Variants in PRKN observed in about 807,000 individuals in gnomAD.
The protein encoded by PRKN is E3 ubiquitin-protein ligase parkin.
In PRKN, 56 loss-of-function variants were observed where a neutral mutation model predicts 59.5. The ratio of observed to expected loss-of-function variants is 0.94; its 90% CI spans 0.76 to 1.18. The LOEUF is 1.18. PRKN is among the 50% of genes most tolerant of loss of function. The pLI is 0.00. For missense variants in PRKN, 657 were observed against 596.4 expected (o/e 1.10, Z -1.06); for synonymous variants, 250 against 222.1 (o/e 1.13, Z -1.12).
At chr6:162,558,082 T>C (rs1372125469) in intron 1 of PRKN, among the ~76,000 whole-genome samples, 1 of 152,180 alleles carries the variant, frequency 6.6e-6, no homozygotes, top group Non-Finnish European at 1.5e-5. Context: ...ATATCTCTCC[T>C]TTTAAATATA....
chr6:162,725,102 T>C (rs2023042), intron 1 of PRKN, among the ~76,000 whole-genome samples: 37,640 of 152,122 alleles, frequency 0.25, 5,444 homozygotes, highest in African/African-American at 0.38. Flanking sequence ...CCCAGTCTTT[T>C]GGATGTGAGT....
At chr6:161,677,591 A>T (rs1358671838) in intron 7 of PRKN, among the ~76,000 whole-genome samples, 1 of 152,182 alleles carries the variant, frequency 6.6e-6, no homozygotes, top group Non-Finnish European at 1.5e-5. Flanking sequence ...GCTGGTGCTC[A>T]CCTCGGCAGC....
At chr6:161,900,527 CTT>C (rs1256421909) in intron 6 of PRKN, among the ~76,000 whole-genome samples, 3 of 96,224 alleles carry the variant, frequency 3.1e-5, no homozygotes, top group Non-Finnish European at 6.0e-5. Flanking sequence ...TACAACATAT[CTT>C]TTATATATAT....
At chr6:162,266,302 G>GTGTA (rs1554293022) in intron 2 of PRKN, among the ~76,000 whole-genome samples, 8 of 87,518 alleles carry the variant, frequency 9.1e-5, no homozygotes, top group Admixed American at 7.5e-4. Context: ...TATATATTGT[G>GTGTA]TGTGTGTGTG....
intron 6 of PRKN, among the ~76,000 whole-genome samples, chr6:161,898,188 C>G (rs576332817): frequency 6.6e-6 from 1 of 150,644 alleles, no homozygotes; most frequent in Non-Finnish European, 1.5e-5. Flanking sequence ...CCAGTTAAAA[C>G]GAATCTGTAA....
At chr6:162,028,486 T>C (rs919626995) in intron 5 of PRKN, among the ~76,000 whole-genome samples, 2 of 152,202 alleles carry the variant, frequency 1.3e-5, no homozygotes, top group Admixed American at 1.3e-4. Flanking sequence ...GGCCGGCTGC[T>C]GTGTGCTCCT....
chr6:162,462,727 T>C (rs891058122), intron 1 of PRKN, among the ~76,000 whole-genome samples: 2 of 152,188 alleles, frequency 1.3e-5, no homozygotes, highest in South Asian at 2.1e-4. Context: ...ATCCACCAGA[T>C]AATTTTAAAT....
chr6:162,117,951 C>G (rs892949346), intron 4 of PRKN, among the ~76,000 whole-genome samples: 16 of 151,880 alleles, frequency 1.1e-4, no homozygotes, highest in Non-Finnish European at 2.1e-4. Context: ...ACAAAATTAG[C>G]CAGGCATGAT....
intron 1 of PRKN, among the ~76,000 whole-genome samples, chr6:162,468,649 G>A (rs903541666): frequency 6.6e-6 from 1 of 152,188 alleles, no homozygotes; most frequent in Admixed American, 6.5e-5. Flanking sequence ...GACAGCTTAA[G>A]CATGTTCAAC....
intron 3 of PRKN, among the ~76,000 whole-genome samples, chr6:162,242,368 A>G (rs1779020046): frequency 6.6e-6 from 1 of 152,046 alleles, no homozygotes; most frequent in Non-Finnish European, 1.5e-5. Context: ...AGAAACTGAG[A>G]AAGTTGCTCA....
At position 161,812,345 on chromosome 6, in the gene PRKN, C is replaced by A. The variant is rs867845576; in HGVS notation, c.735-26437G>T. 7.2e-5 allele frequency among the ~76,000 whole-genome samples: 11 copies of A among 152,184 alleles called. No individual in the cohort carries two copies. In the Middle Eastern group the frequency reaches 0.01, roughly 141 times the overall value. On this transcript the variant is annotated intron_variant, in intron 6 of 11. Transcript: ENST00000366898. ...GCCAGAAGTTTGAGGCTGCAGATTACGGCACTGTACTCCAGCTTGGGCAAC... is the reference window on the plus strand; with the variant it reads ...GCCAGAAGTTTGAGGCTGCAGATTAAGGCACTGTACTCCAGCTTGGGCAAC...
chr6:161,801,523 C>T (rs1289597114), intron 6 of PRKN, among the ~76,000 whole-genome samples: 1 of 152,200 alleles, frequency 6.6e-6, no homozygotes, highest in African/African-American at 2.4e-5. Context: ...ACTTATTGAG[C>T]TATAAACATC....
At chr6:162,284,131 T>C (rs1237045647) in intron 2 of PRKN, among the ~76,000 whole-genome samples, 1 of 151,628 alleles carries the variant, frequency 6.6e-6, no homozygotes, top group Non-Finnish European at 1.5e-5. Context: ...TGGGCTTTCA[T>C]GGGCCCAGGA....
chr6:162,212,256 C>T (rs1242589959), intron 3 of PRKN, among the ~76,000 whole-genome samples: 1 of 152,050 alleles, frequency 6.6e-6, no homozygotes, highest in Admixed American at 6.6e-5. Flanking sequence ...AGTGACTTCA[C>T]CTGTTTAAGT....
At chr6:161,577,749 T>C (rs1376104940) in intron 7 of PRKN, among the ~76,000 whole-genome samples, 1 of 152,172 alleles carries the variant, frequency 6.6e-6, no homozygotes, top group Non-Finnish European at 1.5e-5. Context: ...TGCAGATTGG[T>C]ATTTTCTGGT....
chr6:161,688,622 A>G (rs1280903592), intron 7 of PRKN, among the ~76,000 whole-genome samples: 1 of 152,218 alleles, frequency 6.6e-6, no homozygotes, highest in East Asian at 1.9e-4. Context: ...AGGTACTAGT[A>G]TAGCGGCGCA....
At chr6:161,680,769 A>T (rs1366308872) in intron 7 of PRKN, among the ~76,000 whole-genome samples, 2,564 of 12,916 alleles carry the variant, frequency 0.2, 332 homozygotes, top group African/African-American at 0.4. Flanking sequence ...ATATATATAT[A>T]TATATATTTT....
chr6:162,633,215 CTTG>C (rs1777579962), intron 1 of PRKN, among the ~76,000 whole-genome samples: 1 of 151,420 alleles, frequency 6.6e-6, no homozygotes, highest in South Asian at 2.1e-4. Context: ...GGGTGGATAA[CTTG>C]AGGTAAGGAG....
intron 2 of PRKN, among the ~76,000 whole-genome samples, chr6:162,282,996 T>C (rs530039074): frequency 1.7e-4 from 25 of 148,062 alleles, no homozygotes; most frequent in Non-Finnish European, 2.4e-4. Flanking sequence ...CTCTCTCTCT[T>C]TTTTTTTTTT....
Sources: allele counts gnomAD v4.1 joint callset (sites outside exome capture counted in the v4.1 genomes callset), GRCh38; gene constraint gnomAD v4.1.1; transcripts MANE v1.5; gene names NCBI Gene and HGNC (gene_info 2026-07-23, HGNC 2026-07-21).